BLK: variants seen among roughly 807,000 people sequenced by gnomAD.
BLK encodes BLK proto-oncogene, Src family tyrosine kinase, also known as tyrosine-protein kinase Blk.
BLK carries 64 observed loss-of-function variants against 61.8 expected under a neutral mutation model. The ratio of observed to expected loss-of-function variants is 1.03; its 90% CI spans 0.85 to 1.27. The LOEUF (loss-of-function observed/expected upper bound fraction) is 1.27. Among genes scored for constraint, BLK ranks in the 50% most tolerant of loss-of-function variants. The pLI is 0.00. For missense variants in BLK, 853 were observed against 660.5 expected (o/e 1.29, Z -3.19); for synonymous variants, 351 against 272.0 (o/e 1.29, Z -2.86).
rs533406008 is a variant in BLK at position 11,541,791 on chromosome 8, C to T, written c.-1-1433C>T. Among the ~76,000 whole-genome samples, 6 of 152,276 alleles carry T rather than the reference C, an allele frequency of 3.9e-5. No homozygotes were observed. The South Asian group carries it at 1.2e-3, about 32-fold the overall frequency. On this transcript the variant is annotated intron_variant, in intron 1 of 12. Coordinates refer to ENST00000259089, the MANE Select transcript of BLK (RefSeq NM_001715.3). ...GGGATTACAGGTGTGAGCCACCGTG[C>T]CCAGCCAAACCCATAATCTCTTATC...
At chr8:11,506,079 G>A (rs1798760219) in intron 1 of BLK, among the ~76,000 whole-genome samples, 1 of 152,226 alleles carries the variant, frequency 6.6e-6, no homozygotes, top group South Asian at 2.1e-4. Flanking sequence ...CCAGGTGCCA[G>A]GTGCACGTGG....
intron 6 of BLK, 25 bp from the exon 7 acceptor site, chr8:11,554,718 G>C (rs372017480): frequency 6.2e-6 from 10 of 1,611,602 alleles, no homozygotes; most frequent in Non-Finnish European, 7.6e-6. Flanking sequence ...CTTACTTCTC[G>C]TGTGTGTCTT....
intron 1 of BLK, among the ~76,000 whole-genome samples, chr8:11,527,831 T>C (rs1455342462): frequency 2.0e-5 from 3 of 152,010 alleles, no homozygotes; most frequent in Admixed American, 2.0e-4. Context: ...AGTGATGTTA[T>C]CTACAGGACC....
In BLK at chr8:11,543,329, C is replaced by T. The variant is rs1031380087; in HGVS notation, c.105C>T (p.Ala35=). ...AGGTCAGCGCCCAAGACAAGGACGC[C>T]CCGCCACTGCCGCCCCTGGTGAGTG... The part of the protein sequence containing the change: ...PLKVSAQDKD[A]PPLPPLVVFN... The change falls in exon 2 of 13, where the codon GCC becomes GCT. Residue 35 remains alanine (A), a synonymous_variant. Transcript: ENST00000259089. 1 of 1,613,160 alleles carries T rather than the reference C, an allele frequency of 6.2e-7. No individual in the cohort carries two copies. Among genetic ancestry groups the T allele is most frequent in the Non-Finnish European group, 8.5e-7 (1 of 1,180,018 alleles).
chr8:11,519,071 A>T (rs1187760287), intron 1 of BLK, among the ~76,000 whole-genome samples: 1 of 152,170 alleles, frequency 6.6e-6, no homozygotes, highest in East Asian at 1.9e-4. Flanking sequence ...CTAGTCTGCC[A>T]TCTGCCTTCC....
At chr8:11,511,634 C>G (rs1799011528) in intron 1 of BLK, among the ~76,000 whole-genome samples, 1 of 152,220 alleles carries the variant, frequency 6.6e-6, no homozygotes, top group South Asian at 2.1e-4. Flanking sequence ...CTGGGAATCT[C>G]TGCTAGGTTT....
chr8:11,504,367 G>GAAAAGAAAAGAAAAGAAAAGA (rs1554540058), intron 1 of BLK, among the ~76,000 whole-genome samples: 8 of 39,382 alleles, frequency 2.0e-4, no homozygotes, highest in African/African-American at 5.2e-4. Context: ...AAGGAAGGAA[G>GAAAAGAAAAGAAAAGAAAAGA]AAAGAAAAGA....
chr8:11,555,618 G>C lies in BLK; in HGVS notation c.772+134G>C, dbSNP rs1801174113. ...GAGAGGGAGCGAGGACAGAGGCGAGGACACTCATTTTACAGAGGAGGAAGT... is the reference window on the plus strand; with the variant it reads ...GAGAGGGAGCGAGGACAGAGGCGAGCACACTCATTTTACAGAGGAGGAAGT... On this transcript the variant is annotated intron_variant, in intron 8 of 12. Transcript: ENST00000259089. 9 of 1,388,050 alleles carry C rather than the reference G, an allele frequency of 6.5e-6. No individual in the cohort carries two copies. The South Asian group carries it at 9.9e-5, about 15-fold the overall frequency. 86.0% of individuals were successfully genotyped at this position (1,388,050 alleles called of 1,614,324 possible). A position where few individuals can be genotyped will look rare whatever the true frequency, so the allele number is the denominator to read the frequency against.
intron 1 of BLK, among the ~76,000 whole-genome samples, chr8:11,495,612 CATA>C (rs1798335641): frequency 1.3e-5 from 2 of 152,126 alleles, no homozygotes. Context: ...GATTCCACAA[CATA>C]TTTCACCTTC....
At chr8:11,520,422 A>G (rs909495670) in intron 1 of BLK, among the ~76,000 whole-genome samples, 3 of 138,398 alleles carry the variant, frequency 2.2e-5, no homozygotes, top group Non-Finnish European at 3.1e-5. Context: ...GGCTGCAGTG[A>G]GCCGTGATCA....
chr8:11,511,921 G>C (rs1156385361), intron 1 of BLK, among the ~76,000 whole-genome samples: 2 of 152,280 alleles, frequency 1.3e-5, no homozygotes, highest in South Asian at 2.1e-4. Flanking sequence ...TCTGGCAGTG[G>C]ATGCTGTCGG....
At chr8:11,509,654 G>A (rs1214589758) in intron 1 of BLK, 1 of 152,210 alleles carries the variant, frequency 6.6e-6, no homozygotes, top group Non-Finnish European at 1.5e-5. Context: ...GCCACAGAAA[G>A]AGCTGGACCA....
intron 10 of BLK, 140 bp downstream of exon 10, chr8:11,558,178 T>C: frequency 1.2e-6 from 1 of 819,510 alleles, no homozygotes; most frequent in Non-Finnish European, 2.0e-6. Flanking sequence ...TCTAGGCAGA[T>C]ATCCCCAAGG....
chr8:11,524,778 C>T (rs1036035254), intron 1 of BLK, among the ~76,000 whole-genome samples: 1 of 152,108 alleles, frequency 6.6e-6, no homozygotes, highest in Non-Finnish European at 1.5e-5. Context: ...TTCATTAAAC[C>T]TCACGATCAG....
In BLK at chr8:11,555,250, C is replaced by T. The variant is rs1465251361; in HGVS notation, c.620-82C>T. The T allele has an allele frequency of 7.5e-6, 12 of 1,589,974 alleles. No individual in the cohort carries two copies. The Admixed American group carries it at 1.8e-4, about 24-fold the overall frequency. On this transcript the variant is annotated intron_variant, in intron 7 of 12. Transcript: ENST00000259089. The stretch of plus-strand genomic sequence containing the variant: ...GGTGGGGTGGCTGGGGAGTGGAGGG[C>T]CAGCTAGGAATGATACAGCTCCCAA...
At chr8:11,545,210 T>C (rs1036134837) in intron 2 of BLK, among the ~76,000 whole-genome samples, 5 of 152,206 alleles carry the variant, frequency 3.3e-5, no homozygotes, top group African/African-American at 1.2e-4. Context: ...TATACTGTAA[T>C]TTGTTTATTC....
At chr8:11,508,825 G>A (rs1325041033) in intron 1 of BLK, among the ~76,000 whole-genome samples, 1 of 152,210 alleles carries the variant, frequency 6.6e-6, no homozygotes, top group Non-Finnish European at 1.5e-5. Flanking sequence ...ATCAGACAAG[G>A]GAGCAACTGA....
chr8:11,534,623 A>G (rs1288128895), intron 1 of BLK, among the ~76,000 whole-genome samples: 1 of 152,126 alleles, frequency 6.6e-6, no homozygotes, highest in Non-Finnish European at 1.5e-5. Context: ...TTTTCTATCA[A>G]TTTTACCACA....
intron 2 of BLK, 129 bp downstream of exon 2, chr8:11,543,476 C>A: frequency 1.5e-6 from 2 of 1,309,758 alleles, no homozygotes; most frequent in Non-Finnish European, 1.1e-6. Flanking sequence ...AATGTATAAG[C>A]AGGTGTGCCA....
Sources: allele counts gnomAD v4.1 joint callset (sites outside exome capture counted in the v4.1 genomes callset), GRCh38; gene constraint gnomAD v4.1.1; transcripts MANE v1.5; gene names NCBI Gene and HGNC (gene_info 2026-07-23, HGNC 2026-07-21).